TTC28: variants seen among roughly 807,000 people sequenced by gnomAD.
TTC28 encodes tetratricopeptide repeat protein 28.
A neutral mutation model predicts 198.0 loss-of-function variants in TTC28; 61 were observed. That is an observed-to-expected ratio of 0.31 (90% CI 0.25 to 0.38). The LOEUF is 0.38. Ranked by LOEUF, TTC28 falls within the 10% of genes least tolerant of loss-of-function variation. TTC28 has a pLI of 1.00. For missense variants in TTC28, 2,678 were observed against 3,164.0 expected (o/e 0.85, Z 3.69); for synonymous variants, 1,171 against 1,297.8 (o/e 0.90, Z 2.10).
At position 27,986,586 on chromosome 22, in the gene TTC28, G is replaced by A. The variant is rs543879620; in HGVS notation, c.5708-1230C>T. Among the ~76,000 whole-genome samples the A allele has an allele frequency of 1.9e-3, 288 of 152,238 alleles. 6 individuals are homozygous for A. The highest frequency in any genetic ancestry group is 1.3e-3 in the Non-Finnish European group (86 of 68,018). On this transcript the variant is annotated intron_variant, in intron 21 of 22. Transcript: ENST00000397906. ...ACACTGCAAAGTGCTGGGTACCTAC[G>A]ATGCCACACCCTCTCCTCTGACCTC... is the stretch of plus-strand genomic sequence containing the variant.
chr22:28,128,971 T>C (rs1412749961), intron 6 of TTC28, among the ~76,000 whole-genome samples: 1 of 152,230 alleles, frequency 6.6e-6, no homozygotes, highest in Admixed American at 6.5e-5. Flanking sequence ...GAAATCATCA[T>C]GTTCAGAGAA....
At chr22:28,290,645 C>T (rs1411199135) in intron 5 of TTC28, among the ~76,000 whole-genome samples, 4 of 152,170 alleles carry the variant, frequency 2.6e-5, no homozygotes, top group Non-Finnish European at 4.4e-5. Context: ...GGCGTGGTCG[C>T]TCATGCCTAT....
At chr22:28,580,327 G>T (rs2050217229) in intron 2 of TTC28, among the ~76,000 whole-genome samples, 1 of 151,976 alleles carries the variant, frequency 6.6e-6, no homozygotes, top group African/African-American at 2.4e-5. Flanking sequence ...TGCCCTTTAT[G>T]GTATTTTTAA....
intron 2 of TTC28, among the ~76,000 whole-genome samples, chr22:28,438,517 T>C (rs988962089): frequency 6.6e-6 from 1 of 152,200 alleles, no homozygotes; most frequent in Non-Finnish European, 1.5e-5. Flanking sequence ...TTAATGTAGC[T>C]TATGTCGACA....
At chr22:28,347,107 T>C (rs1442970102) in intron 2 of TTC28, among the ~76,000 whole-genome samples, 1 of 151,226 alleles carries the variant, frequency 6.6e-6, no homozygotes, top group Admixed American at 6.6e-5. Context: ...CCCCAAAAAA[T>C]ACAAAAATTA....
rs112956631 is a variant in TTC28 at position 28,579,925 on chromosome 22, G to A, written c.381+49627C>T. Among the ~76,000 whole-genome samples the A allele has an allele frequency of 5.3e-5, 8 of 151,950 alleles. No homozygotes were observed. In the South Asian group the frequency reaches 6.2e-4, roughly 12 times the overall value. On this transcript the variant is annotated intron_variant, in intron 2 of 22. Transcript: ENST00000397906. ...ACAGAAGTTGCGGTGAGCCAAGATC[G>A]CGCCACTGCACTCCAGCCTGAGTGA...
intron 12 of TTC28, among the ~76,000 whole-genome samples, chr22:28,040,505 T>C (rs1024626093): frequency 3.3e-5 from 5 of 152,214 alleles, no homozygotes; most frequent in African/African-American, 1.2e-4. Flanking sequence ...CCTCAATAGA[T>C]GCATGAAAGG....
At chr22:28,088,875 G>A (rs1028251111) in intron 12 of TTC28, among the ~76,000 whole-genome samples, 22 of 152,124 alleles carry the variant, frequency 1.4e-4, no homozygotes, top group African/African-American at 2.7e-4. Flanking sequence ...ACACTTCTCA[G>A]AAGAAGACAT....
intron 5 of TTC28, among the ~76,000 whole-genome samples, chr22:28,169,855 T>C (rs1479187648): frequency 6.6e-6 from 1 of 151,720 alleles, no homozygotes; most frequent in East Asian, 1.9e-4. Flanking sequence ...ATAAAGAACC[T>C]GATTAAATTG....
At chr22:28,506,963 C>T (rs569739668) in intron 2 of TTC28, among the ~76,000 whole-genome samples, 1 of 152,306 alleles carries the variant, frequency 6.6e-6, no homozygotes, top group South Asian at 2.1e-4. Context: ...AAAGAATCAA[C>T]ACAAAAATAC....
chr22:28,247,867 G>A (rs1930221713), intron 5 of TTC28, among the ~76,000 whole-genome samples: 1 of 152,102 alleles, frequency 6.6e-6, no homozygotes, highest in African/African-American at 2.4e-5. Context: ...ATCTTGAATG[G>A]TTTTGACTAC....
intron 2 of TTC28, among the ~76,000 whole-genome samples, chr22:28,501,699 A>T (rs1007854144): frequency 6.6e-6 from 1 of 152,224 alleles, no homozygotes; most frequent in African/African-American, 2.4e-5. Flanking sequence ...TGCAATTTTT[A>T]AAATTATGAA....
rs753773499 is a variant in TTC28, at chr22:28,001,522, C to T, written c.4250G>A (p.Arg1417Gln). The T allele has an allele frequency of 1.4e-5, 21 of 1,551,162 alleles. No individual in the cohort carries two copies. Among genetic ancestry groups the T allele is most frequent in the South Asian group, 3.6e-5 (3 of 84,066 alleles). The change falls in exon 15 of 23, where the codon CGG becomes CAG. Residue 1417 changes from arginine (R) to glutamine (Q), a missense_variant. Arg to Gln is a conservative substitution (Grantham distance 43, BLOSUM62 1). This residue lies in a region of TTC28 where 727 missense variants were observed against 861.9 expected (regional missense o/e 0.84). Transcript: ENST00000397906. ...CAGAACCAGGATGAGCTGCCGGTGC[C>T]GGCCCACGGGGCCGCTGGAGTGCAT... ...GLMHSSGPVG[R>Q]HRQLILVLEG...
chr22:28,430,964 T>C (rs2047421237), intron 2 of TTC28, among the ~76,000 whole-genome samples: 1 of 151,812 alleles, frequency 6.6e-6, no homozygotes, highest in Non-Finnish European at 1.5e-5. Context: ...CATCTCTGCC[T>C]GGTAAAAATC....
intron 1 of TTC28, among the ~76,000 whole-genome samples, chr22:28,638,457 C>A (rs545351039): frequency 6.6e-6 from 1 of 151,834 alleles, no homozygotes; most frequent in Admixed American, 6.6e-5. Context: ...ATAAATATGA[C>A]AACATAAAAA....
At chr22:28,072,586 T>C (rs570374322) in intron 12 of TTC28, among the ~76,000 whole-genome samples, 7 of 152,242 alleles carry the variant, frequency 4.6e-5, no homozygotes, top group African/African-American at 9.6e-5. Flanking sequence ...ACAGCAGGTA[T>C]CCTCCACTTC....
At position 27,987,783 on chromosome 22, in the gene TTC28, A is replaced by G. The variant is rs976665669; in HGVS notation, c.5707+2095T>C. Among the ~76,000 whole-genome samples the G allele has an allele frequency of 5.9e-5, 9 of 152,058 alleles. No individual in the cohort carries two copies. In the East Asian group the frequency reaches 9.6e-4, roughly 16 times the overall value. On this transcript the variant is annotated intron_variant, in intron 21 of 22. Coordinates refer to ENST00000397906, the MANE Select transcript of TTC28 (RefSeq NM_001145418.2). The stretch of plus-strand genomic sequence containing the variant: ...GGCAGTGCCCCCCAAGGCTTGCCCT[A>G]TGGCTTCTCACAGAAGTGACAAGAG...
At chr22:28,062,190 T>G (rs1940567886) in intron 12 of TTC28, among the ~76,000 whole-genome samples, 1 of 152,122 alleles carries the variant, frequency 6.6e-6, no homozygotes, top group Non-Finnish European at 1.5e-5. Context: ...CCTGAGTAAC[T>G]GAGCTTACAG....
chr22:28,562,423 C>T (rs991924356), intron 2 of TTC28, among the ~76,000 whole-genome samples: 2 of 152,104 alleles, frequency 1.3e-5, no homozygotes, highest in African/African-American at 4.8e-5. Context: ...CTAGCTGGTG[C>T]TGGTATTTCT....
Sources: gnomAD v4.1 joint callset for allele counts (sites outside exome capture counted in the v4.1 genomes callset) on GRCh38, gnomAD v4.1.1 for gene constraint, gnomAD v4.1.1 regional missense constraint, MANE v1.5 for transcripts, NCBI Gene and HGNC (gene_info 2026-07-23, HGNC 2026-07-21) for gene names.